Variants in WASHC2A observed in about 807,000 individuals in gnomAD.
WASHC2A encodes WASH complex subunit 2A.
A neutral mutation model predicts 140.3 loss-of-function variants in WASHC2A; 82 were observed. The observed-to-expected ratio is 0.58, with a 90% confidence interval of 0.49 to 0.70. The LOEUF (loss-of-function observed/expected upper bound fraction) is 0.70, where lower values mean the gene tolerates loss of function less well. Among genes scored for constraint, WASHC2A ranks in the 30% least tolerant of loss-of-function variants. The pLI is 0.00. For synonymous variants in WASHC2A, 340 were observed against 560.8 expected (o/e 0.61, Z 5.56); for missense variants, 985 against 1,521.8 (o/e 0.65, Z 5.87).
At chr10:50,074,457 G>A (rs1375856350) in intron 3 of WASHC2A, among the ~76,000 whole-genome samples, 3 of 151,282 alleles carry the variant, frequency 2.0e-5, no homozygotes, top group East Asian at 4.0e-4. Context: ...ACTTTTTGGA[G>A]TCCTGACTTT....
chr10:50,098,984 A>G (rs1324038566), intron 16 of WASHC2A, among the ~76,000 whole-genome samples: 17,326 of 151,772 alleles, frequency 0.11, 1,138 homozygotes, highest in Middle Eastern at 0.18. Flanking sequence ...CTCTTTTGCC[A>G]TTGCTAAGTT....
At chr10:50,129,255 C>T in intron 28 of WASHC2A, 164 bp from the exon 29 acceptor site, 2 of 1,263,442 alleles carry the variant, frequency 1.6e-6, no homozygotes, top group Non-Finnish European at 2.2e-6. Flanking sequence ...AAACTCCTTC[C>T]TTGGAAATCA....
intron 17 of WASHC2A, among the ~76,000 whole-genome samples, chr10:50,103,531 G>C (rs1258093876): frequency 3.7e-4 from 56 of 152,068 alleles, no homozygotes; most frequent in Admixed American, 7.2e-4. Context: ...CTGCACTGCA[G>C]CCTGGGCAAC....
chr10:50,091,118 T>A (rs1367091696), intron 9 of WASHC2A, among the ~76,000 whole-genome samples: 2 of 152,100 alleles, frequency 1.3e-5, no homozygotes, highest in Non-Finnish European at 2.9e-5. Flanking sequence ...TTCCAGAGTT[T>A]GAAGACCATA....
intron 16 of WASHC2A, among the ~76,000 whole-genome samples, chr10:50,099,447 A>C (rs1156346208): frequency 1.3e-5 from 2 of 150,576 alleles, no homozygotes; most frequent in East Asian, 3.9e-4. Context: ...TTTTTTGTGG[A>C]GACGGGTTTT....
chr10:50,125,061 G>C (rs1843319455), intron 23 of WASHC2A, 52 bp from the exon 24 acceptor site: 57 of 1,574,848 alleles, frequency 3.6e-5, no homozygotes, highest in Non-Finnish European at 4.9e-5. Context: ...TAACTTCCTT[G>C]AGATAAGTTC....
chr10:50,094,091 A>G (rs1275162681), intron 13 of WASHC2A, among the ~76,000 whole-genome samples, 174 bp downstream of exon 13: 1 of 152,076 alleles, frequency 6.6e-6, no homozygotes, highest in Non-Finnish European at 1.5e-5. Context: ...ATGTCTTGGA[A>G]AAAACAGTAC....
chr10:50,128,666 TAGTTA>T (rs1250623428), intron 28 of WASHC2A, among the ~76,000 whole-genome samples: 3 of 152,146 alleles, frequency 2.0e-5, no homozygotes, highest in African/African-American at 4.8e-5. Flanking sequence ...GGCTTTTTTT[TAGTTA>T]AGTTTAAATT....
At chr10:50,128,250 C>G (rs1386497669) in intron 28 of WASHC2A, among the ~76,000 whole-genome samples, 4 of 151,986 alleles carry the variant, frequency 2.6e-5, no homozygotes, top group East Asian at 1.9e-4. Flanking sequence ...CAGCCTGACT[C>G]CAGGCACACC....
At chr10:50,083,135 A>T (rs1839057602) in intron 5 of WASHC2A, among the ~76,000 whole-genome samples, 1 of 109,580 alleles carries the variant, frequency 9.1e-6, no homozygotes, top group African/African-American at 3.9e-5. Context: ...AGTAAATGGG[A>T]TTATAGGTGT....
Position 50,078,724 on chromosome 10 carries a change from A to G in WASHC2A, c.341A>G (p.Glu114Gly), listed in dbSNP as rs1838611531. 7 of 1,611,988 alleles carry G rather than the reference A, an allele frequency of 4.3e-6. No individual in the cohort carries two copies. The highest frequency in any genetic ancestry group is 5.9e-6 in the Non-Finnish European group (7 of 1,179,858). The change falls in exon 4 of 31, where the codon GAA (glutamate) becomes GGA (glycine). Residue 114 changes from glutamate (E) to glycine (G), a missense_variant. Glu to Gly is a moderately conservative substitution (Grantham distance 98). Transcript: ENST00000282633. The part of the protein sequence containing the change: ...VEEPVLKAEA[E>G]KTEQEKTREQ... ...GAGCCAGTACTCAAGGCTGAGGCAGAAAAAACAGAGCAGGTACTTGTATAA... is the reference window on the plus strand; with the variant it reads ...GAGCCAGTACTCAAGGCTGAGGCAGGAAAAACAGAGCAGGTACTTGTATAA...
chr10:50,082,423 G>C (rs1388006366), intron 5 of WASHC2A, among the ~76,000 whole-genome samples: 1 of 150,216 alleles, frequency 6.7e-6, no homozygotes, highest in African/African-American at 2.4e-5. Flanking sequence ...GGACAGGGCA[G>C]CATTTCCTTC....
At chr10:50,111,478 C>T (rs1842283860) in intron 20 of WASHC2A, among the ~76,000 whole-genome samples, 1 of 151,988 alleles carries the variant, frequency 6.6e-6, no homozygotes, top group Admixed American at 6.6e-5. Context: ...TTCCCTGTGC[C>T]TCAATTTCCT....
chr10:50,088,958 CTTTTTTTTTTTT>C (rs1210204220), intron 8 of WASHC2A, among the ~76,000 whole-genome samples: 7 of 41,374 alleles, frequency 1.7e-4, no homozygotes, highest in Non-Finnish European at 2.3e-4. Flanking sequence ...TTTTTCTTTC[CTTTTTTTTTTTT>C]TTTTTTTTTT....
Position 50,093,434 on chromosome 10 carries a change from G to T in WASHC2A, c.1122+48G>T, listed in dbSNP as rs568258989. On this transcript the variant is annotated intron_variant, in intron 12 of 30. Coordinates refer to ENST00000282633, the MANE Select transcript of WASHC2A (RefSeq NM_001005751.3). ...CACTCCCTGCAGCTAGCTGTGTCAG[G>T]GGTCCACAGGGAAGATATAGGCTTT... 264 of 895,474 alleles carry T rather than the reference G, an allele frequency of 2.9e-4. 4 individuals are homozygous for T. The African/African-American group carries it at 4.0e-3, about 14-fold the overall frequency. The allele number at this position is 895,474 out of a possible 1,614,324, so 55.5% of individuals were successfully genotyped here. A position where few individuals can be genotyped will look rare whatever the true frequency, so the allele number is the denominator to read the frequency against.
At chr10:50,132,360 CT>C (rs1844047597) in intron 30 of WASHC2A, among the ~76,000 whole-genome samples, 1 of 152,234 alleles carries the variant, frequency 6.6e-6, no homozygotes. Flanking sequence ...GGCTTACAGT[CT>C]TACATCGAGA....
At chr10:50,117,593 T>G (rs1589265682) in intron 21 of WASHC2A, among the ~76,000 whole-genome samples, 1 of 147,626 alleles carries the variant, frequency 6.8e-6, no homozygotes, top group Non-Finnish European at 1.5e-5. Flanking sequence ...ATAAGAGGAG[T>G]GAGGCAGAGA....
intron 19 of WASHC2A, among the ~76,000 whole-genome samples, chr10:50,108,805 C>T: frequency 9.0e-6 from 1 of 111,478 alleles, no homozygotes; most frequent in East Asian, 2.6e-4. Context: ...TCACTTGAAC[C>T]CGGGAGGCAG....
At chr10:50,090,588 T>G (rs1407550212) in intron 8 of WASHC2A, among the ~76,000 whole-genome samples, 188 bp from the exon 9 acceptor site, 2 of 147,272 alleles carry the variant, frequency 1.4e-5, no homozygotes, top group East Asian at 3.9e-4. Context: ...TATATTTTTC[T>G]TAGATTCAAA....
Sources: gnomAD v4.1 joint callset for allele counts (sites outside exome capture counted in the v4.1 genomes callset) on GRCh38, gnomAD v4.1.1 for gene constraint, MANE v1.5 for transcripts, NCBI Gene and HGNC (gene_info 2026-07-23, HGNC 2026-07-21) for gene names.